Variants in UBLCP1 observed in about 807,000 individuals in gnomAD.
UBLCP1 encodes the protein ubiquitin-like domain-containing CTD phosphatase 1.
A neutral mutation model predicts 42.4 loss-of-function variants in UBLCP1; 28 were observed. The ratio of observed to expected loss-of-function variants is 0.66; its 90% CI spans 0.49 to 0.90. The LOEUF (loss-of-function observed/expected upper bound fraction) is 0.90, where lower values mean the gene tolerates loss of function less well. Ranked by LOEUF, UBLCP1 falls within the 40% of genes least tolerant of loss-of-function variation. UBLCP1 has a pLI of 0.00. For missense variants in UBLCP1, 279 were observed against 374.5 expected (o/e 0.75, Z 2.10); for synonymous variants, 122 against 120.8 (o/e 1.01, Z -0.07).
At chr5:159,282,476 G>C (rs1753620146) in intron 9 of UBLCP1, among the ~76,000 whole-genome samples, 1 of 152,074 alleles carries the variant, frequency 6.6e-6, no homozygotes, top group South Asian at 2.1e-4. Flanking sequence ...ATAAACATAT[G>C]CATTCATAGC....
rs1309547393 is a variant in UBLCP1 at position 159,269,085 on chromosome 5, C to A, written c.154+16C>A. On this transcript the variant is annotated intron_variant, in intron 2 of 10. Transcript: ENST00000296786. ...AAAGTTAAAGGTAATTCTCTCCCCT[C>A]TTCAGATTTTTTGCATTGAATTTTT... The A allele has an allele frequency of 3.3e-6, 5 of 1,501,610 alleles. No homozygotes were observed. Among genetic ancestry groups the A allele is most frequent in the Non-Finnish European group, 3.5e-6 (4 of 1,130,142 alleles). 93.0% of individuals were successfully genotyped at this position (1,501,610 alleles called of 1,614,324 possible).
At chr5:159,272,677 G>A in intron 6 of UBLCP1, among the ~76,000 whole-genome samples, 1 of 152,124 alleles carries the variant, frequency 6.6e-6, no homozygotes, top group Non-Finnish European at 1.5e-5. Context: ...CAGTGATATA[G>A]TTCTCTGGAA....
chr5:159,275,081 A>C (rs1753516697), intron 7 of UBLCP1, 67 bp from the exon 8 acceptor site: 5 of 1,387,552 alleles, frequency 3.6e-6, no homozygotes, highest in Middle Eastern at 1.8e-4. Context: ...TTGCAGCTAG[A>C]ATATTCAGAA....
At chr5:159,265,223 C>T (rs1753371598) in intron 1 of UBLCP1, among the ~76,000 whole-genome samples, 1 of 152,140 alleles carries the variant, frequency 6.6e-6, no homozygotes, top group Admixed American at 6.5e-5. Flanking sequence ...GTAGGAGACA[C>T]TGTTTTTAAA....
At chr5:159,278,703 G>A (rs1753569526) in intron 9 of UBLCP1, among the ~76,000 whole-genome samples, 1 of 152,058 alleles carries the variant, frequency 6.6e-6, no homozygotes, top group Non-Finnish European at 1.5e-5. Flanking sequence ...CTCCTGAGTA[G>A]CTAGGATTAC....
intron 1 of UBLCP1, among the ~76,000 whole-genome samples, chr5:159,264,744 A>G (rs1381641497): frequency 2.0e-5 from 3 of 152,196 alleles, no homozygotes; most frequent in Non-Finnish European, 4.4e-5. Flanking sequence ...CTCCACCCCA[A>G]TTACATTTCT....
chr5:159,281,321 A>G (rs1753602940), intron 9 of UBLCP1, among the ~76,000 whole-genome samples: 1 of 152,172 alleles, frequency 6.6e-6, no homozygotes. Context: ...TAGGAAGTGA[A>G]TGAAGGAATA....
intron 6 of UBLCP1, among the ~76,000 whole-genome samples, chr5:159,272,980 G>T (rs1180509242): frequency 6.6e-6 from 1 of 152,176 alleles, no homozygotes; most frequent in Non-Finnish European, 1.5e-5. Context: ...GAGTTATCCT[G>T]ACTGAATTAA....
intron 3 of UBLCP1, 26 bp from the exon 4 acceptor site, chr5:159,270,334 G>A (rs753606209): frequency 9.5e-6 from 15 of 1,570,920 alleles, no homozygotes; most frequent in African/African-American, 4.1e-5. Flanking sequence ...TAATATGGTA[G>A]AACAAAACTT....
intron 2 of UBLCP1, among the ~76,000 whole-genome samples, 184 bp downstream of exon 2, chr5:159,269,253 A>G (rs1485297239): frequency 2.0e-5 from 3 of 152,352 alleles, no homozygotes. Context: ...AAGTAAGAAT[A>G]TTAAAGTGTT....
At chr5:159,270,928 C>A (rs972183487) in intron 5 of UBLCP1, among the ~76,000 whole-genome samples, 3 of 137,890 alleles carry the variant, frequency 2.2e-5, no homozygotes, top group African/African-American at 7.9e-5. Context: ...ACACATTGAA[C>A]ATCTTCTCAG....
chr5:159,268,630 T>C (rs1753426263), intron 1 of UBLCP1, among the ~76,000 whole-genome samples: 2 of 152,184 alleles, frequency 1.3e-5, no homozygotes, highest in Non-Finnish European at 1.5e-5. Flanking sequence ...ACATTTCCAG[T>C]TGAACAGTGA....
rs755584260 is a variant in UBLCP1 at position 159,272,009 on chromosome 5, CA to C, written c.449-12del. 1.3e-6 allele frequency: 2 copies of C among 1,584,186 alleles called. No homozygotes were observed. The highest frequency in any genetic ancestry group is 4.5e-5 in the East Asian group (2 of 44,658). On this transcript the variant is annotated splice_polypyrimidine_tract_variant and intron_variant, in intron 5 of 10. Transcript: ENST00000296786. Reference sequence around the variant, plus strand: ...TGGTAAACTAATAATTATTTATGATCAATTTTCTTTTAGACCACAGGTCTTG... The same window carrying C: ...TGGTAAACTAATAATTATTTATGATCATTTTCTTTTAGACCACAGGTCTTG...
At chr5:159,278,446 T>G in intron 9 of UBLCP1, 92 bp downstream of exon 9, 1 of 869,578 alleles carries the variant, frequency 1.1e-6, no homozygotes, top group Non-Finnish European at 1.9e-6. Context: ...CATATATTTT[T>G]GGAAGTACTG....
In UBLCP1 at chr5:159,272,083, T is replaced by C; in HGVS notation, c.509T>C (p.Leu170Pro). The change falls in exon 6 of 11, where the codon CTA becomes CCA. Residue 170 changes from leucine to proline, a missense_variant. Coordinates refer to ENST00000296786, the MANE Select transcript of UBLCP1 (RefSeq NM_145049.5). ...ATGCGGCCATATCTTCATGAATTTC[T>C]AACATCTGCCTATGAAGATTATGAC... ...ELMRPYLHEF[L>P]TSAYEDYDIV... 1 of 1,613,510 alleles carries C rather than the reference T, an allele frequency of 6.2e-7. No individual in the cohort carries two copies. The highest frequency in any genetic ancestry group is 8.5e-7 in the Non-Finnish European group (1 of 1,179,790).
intron 1 of UBLCP1, among the ~76,000 whole-genome samples, chr5:159,267,418 A>G (rs1753412880): frequency 6.6e-6 from 1 of 152,218 alleles, no homozygotes; most frequent in Non-Finnish European, 1.5e-5. Context: ...CTAGGAAGTA[A>G]ATAGCTTTCT....
Position 159,283,280 on chromosome 5 carries a change from C to T in UBLCP1, c.870C>T (p.Tyr290=), listed in dbSNP as rs777808710. 3.7e-6 allele frequency: 6 copies of T among 1,605,162 alleles called. No homozygotes were observed. In the East Asian group the frequency reaches 1.3e-4, roughly 36 times the overall value. The change falls in exon 10 of 11, where the codon TAC becomes TAT. Residue 290 remains tyrosine, a synonymous_variant. Transcript: ENST00000296786. ...KDKELLKLTQ[Y]LKEIAKLDDF... is the part of the protein sequence containing the mutation. ...AAGAACTTTTAAAATTAACTCAGTA[C>T]CTCAAGGAGATAGCAAAATTAGATG...
At chr5:159,280,533 A>T (rs1753595869) in intron 9 of UBLCP1, among the ~76,000 whole-genome samples, 1 of 152,124 alleles carries the variant, frequency 6.6e-6, no homozygotes, top group African/African-American at 2.4e-5. Context: ...GAGGTCCTGC[A>T]CTCAAGCGAT....
At chr5:159,269,102 T>A in intron 2 of UBLCP1, 33 bp downstream of exon 2, 1 of 1,455,758 alleles carries the variant, frequency 6.9e-7, no homozygotes, top group Non-Finnish European at 9.1e-7. Flanking sequence ...TTTTTTGCAT[T>A]GAATTTTTAG....
Sources: allele counts gnomAD v4.1 joint callset (sites outside exome capture counted in the v4.1 genomes callset), GRCh38; gene constraint gnomAD v4.1.1; transcripts MANE v1.5; gene names NCBI Gene and HGNC (gene_info 2026-07-23, HGNC 2026-07-21).